Variants in LEF1 observed in about 807,000 individuals in gnomAD.
LEF1 encodes the protein lymphoid enhancer binding factor 1.
Under a neutral mutation model 51.2 loss-of-function variants are expected in LEF1, and 14 were observed. That is an observed-to-expected ratio of 0.27 (90% CI 0.18 to 0.43). LEF1 has a LOEUF of 0.43. LEF1 is among the 20% of genes least tolerant of loss of function. The probability of loss-of-function intolerance (pLI) is 1.00; values close to 1 mark genes in which losing one functional copy is unlikely to be tolerated. For missense variants in LEF1, 386 were observed against 512.0 expected (o/e 0.75, Z 2.37); for synonymous variants, 185 against 183.2 (o/e 1.01, Z -0.08).
chr4:108,074,521 G>A (rs181619492), intron 8 of LEF1, among the ~76,000 whole-genome samples: 91 of 152,272 alleles, frequency 6.0e-4, no homozygotes, highest in Admixed American at 1.2e-3. Context: ...ATATAGTAAA[G>A]ATGAATAAAA....
intron 5 of LEF1, chr4:108,083,083 C>A: frequency 2.3e-6 from 1 of 434,982 alleles, no homozygotes; most frequent in South Asian, 2.4e-5. Context: ...ATAGCAAATG[C>A]CCAAAGCCAC....
chr4:108,098,907 A>G (rs753811464), intron 3 of LEF1, among the ~76,000 whole-genome samples: 4 of 152,190 alleles, frequency 2.6e-5, no homozygotes, highest in Middle Eastern at 3.2e-3. Context: ...ATGAACATGT[A>G]AATTTGATAT....
chr4:108,058,020 C>T (rs964537762), intron 11 of LEF1, among the ~76,000 whole-genome samples: 4 of 151,972 alleles, frequency 2.6e-5, no homozygotes, highest in African/African-American at 9.7e-5. Flanking sequence ...ATTACAGGCG[C>T]CTGCCACCAC....
In LEF1 at chr4:108,167,403, C is replaced by T; in HGVS notation, c.213+152G>A. 1 of 654,196 alleles carries T rather than the reference C, an allele frequency of 1.5e-6. No individual in the cohort carries two copies. 40.5% of individuals were successfully genotyped at this position (654,196 alleles called of 1,614,324 possible). ...ACACACACACACACACACTGCGGACCGGGGGCCCAGCTACGCACACACCCC... is the reference window on the plus strand; with the variant it reads ...ACACACACACACACACACTGCGGACTGGGGGCCCAGCTACGCACACACCCC... On this transcript the variant is annotated intron_variant, in intron 1 of 11. Transcript: ENST00000265165. The surrounding 1 kb of genome is among the most constrained non-coding windows in gnomAD (Gnocchi z 5.7).
At chr4:108,137,583 G>A (rs1011777739) in intron 3 of LEF1, among the ~76,000 whole-genome samples, 7 of 152,154 alleles carry the variant, frequency 4.6e-5, no homozygotes, top group Non-Finnish European at 8.8e-5. Flanking sequence ...AGCAAAGTCT[G>A]AATGTAGGAA....
chr4:108,087,619 T>C (rs1383975427), intron 4 of LEF1, among the ~76,000 whole-genome samples: 1 of 152,202 alleles, frequency 6.6e-6, no homozygotes, highest in Admixed American at 6.5e-5. Context: ...TGATTTCTTA[T>C]TCTTTTTAAA....
intron 3 of LEF1, among the ~76,000 whole-genome samples, chr4:108,126,762 G>A (rs938217786): frequency 1.1e-4 from 15 of 138,800 alleles, no homozygotes; most frequent in East Asian, 1.1e-3. Flanking sequence ...CCATGATCGC[G>A]CCAATATAGT....
intron 3 of LEF1, among the ~76,000 whole-genome samples, chr4:108,113,647 C>T (rs1186482309): frequency 1.3e-5 from 2 of 152,168 alleles, no homozygotes; most frequent in African/African-American, 4.8e-5. Flanking sequence ...AAGAATTCAA[C>T]AGGACCTCCC....
intron 8 of LEF1, among the ~76,000 whole-genome samples, chr4:108,073,463 A>G (rs1408521528): frequency 6.6e-6 from 1 of 152,200 alleles, no homozygotes; most frequent in Non-Finnish European, 1.5e-5. Context: ...GCAAAGTTTT[A>G]CCAATAAGGA....
At chr4:108,104,755 A>G in intron 3 of LEF1, 2 of 886,940 alleles carry the variant, frequency 2.3e-6, no homozygotes, top group African/African-American at 1.8e-5. Context: ...GGCTGTTATT[A>G]GTTTTCCTTG....
At chr4:108,107,269 T>G (rs754067663) in intron 3 of LEF1, among the ~76,000 whole-genome samples, 1 of 151,974 alleles carries the variant, frequency 6.6e-6, no homozygotes, top group East Asian at 1.9e-4. Context: ...GAAAGGTGTT[T>G]TTTTTTTTTT....
At position 108,167,467 on chromosome 4, in the gene LEF1, C is replaced by A. The variant is rs543392828; in HGVS notation, c.213+88G>T. 3 of 1,345,228 alleles carry A rather than the reference C, an allele frequency of 2.2e-6. No individual in the cohort carries two copies. The highest frequency in any genetic ancestry group is 3.7e-5 in the Admixed American group (2 of 54,750). 83.3% of individuals were successfully genotyped at this position (1,345,228 alleles called of 1,614,324 possible). A position where few individuals can be genotyped will look rare whatever the true frequency, so the allele number is the denominator to read the frequency against. ...GATCTACTCGGGACCCTCAGCCGGG[C>A]GGCCGGGCGCCTTCGTTCCCTTCCT... On this transcript the variant is annotated intron_variant, in intron 1 of 11. Transcript: ENST00000265165. The surrounding 1 kb of genome is among the most constrained non-coding windows in gnomAD (Gnocchi z 5.7).
At chr4:108,102,055 C>A (rs1446015772) in intron 3 of LEF1, among the ~76,000 whole-genome samples, 3 of 147,954 alleles carry the variant, frequency 2.0e-5, no homozygotes, top group Non-Finnish European at 3.0e-5. Flanking sequence ...AAGAGTGAAA[C>A]CCGGTCTCAA....
intron 3 of LEF1, among the ~76,000 whole-genome samples, chr4:108,106,103 C>T (rs1015363958): frequency 2.0e-5 from 3 of 152,162 alleles, no homozygotes; most frequent in Non-Finnish European, 4.4e-5. Flanking sequence ...CCAGATATGG[C>T]TCAGGGAGAT....
At chr4:108,142,012 T>C (rs754970438) in intron 3 of LEF1, among the ~76,000 whole-genome samples, 26 of 152,302 alleles carry the variant, frequency 1.7e-4, no homozygotes, top group Admixed American at 1.1e-3. Context: ...AGCAGGGGCA[T>C]TTTATAACTC....
At chr4:108,121,973 A>C (rs1350040316) in intron 3 of LEF1, among the ~76,000 whole-genome samples, 3 of 152,186 alleles carry the variant, frequency 2.0e-5, no homozygotes, top group Non-Finnish European at 4.4e-5. Context: ...CTTCTAAATT[A>C]ATGGTTTTCT....
intron 11 of LEF1, among the ~76,000 whole-genome samples, chr4:108,061,299 A>C (rs566764436): frequency 6.6e-6 from 1 of 152,220 alleles, no homozygotes; most frequent in Non-Finnish European, 1.5e-5. Context: ...GAAAATATAA[A>C]TAAGTGACAA....
chr4:108,068,700 T>C (rs1449890365), intron 9 of LEF1, among the ~76,000 whole-genome samples: 3 of 152,188 alleles, frequency 2.0e-5, no homozygotes, highest in Non-Finnish European at 4.4e-5. Flanking sequence ...CTGTGGAGCA[T>C]ATTATAGGAA....
chr4:108,079,429 G>C, intron 7 of LEF1, 63 bp downstream of exon 7: 1 of 1,576,008 alleles, frequency 6.3e-7, no homozygotes, highest in Non-Finnish European at 8.7e-7. Context: ...TTGCAAAGGA[G>C]CAACAGTGTA....
Sources: gnomAD v4.1 joint callset for allele counts (sites outside exome capture counted in the v4.1 genomes callset) on GRCh38, gnomAD v4.1.1 for gene constraint, Gnocchi (gnomAD v3.1) non-coding constraint, MANE v1.5 for transcripts, NCBI Gene and HGNC (gene_info 2026-07-23, HGNC 2026-07-21) for gene names.